SS18L1: variants seen among roughly 807,000 people sequenced by gnomAD.
SS18L1 encodes the protein calcium-responsive transactivator.
In SS18L1, 32 loss-of-function variants were observed where a neutral mutation model predicts 70.3. The ratio of observed to expected loss-of-function variants is 0.46; its 90% CI spans 0.34 to 0.61. SS18L1 has a LOEUF of 0.61. Ranked by LOEUF, SS18L1 falls within the 20% of genes least tolerant of loss-of-function variation. The probability of loss-of-function intolerance (pLI) is 0.01; values close to 1 mark genes in which losing one functional copy is unlikely to be tolerated. For missense variants in SS18L1, 430 were observed against 542.1 expected (o/e 0.79, Z 2.05); for synonymous variants, 237 against 229.7 (o/e 1.03, Z -0.29).
chr20:62,165,576 G>A lies in SS18L1; in HGVS notation c.916+62G>A, dbSNP rs944485961. ...GCGCCACACGCAGCAGAGTTAAGAC[G>A]CTGCACCCTTAGGAGCACGCGGTGC... On this transcript the variant is annotated intron_variant, in intron 8 of 10. Coordinates refer to ENST00000331758, the MANE Select transcript of SS18L1 (RefSeq NM_198935.3). 2.1e-5 allele frequency: 31 copies of A among 1,498,300 alleles called. 1 individual carries two copies. The highest frequency in any genetic ancestry group is 1.8e-4 in the South Asian group (15 of 85,152). The allele number at this position is 1,498,300 out of a possible 1,614,324, so 92.8% of individuals were successfully genotyped here.
At chr20:62,163,692 T>G in intron 6 of SS18L1, 70 bp downstream of exon 6, 1 of 1,454,008 alleles carries the variant, frequency 6.9e-7, no homozygotes, top group Non-Finnish European at 9.0e-7. Flanking sequence ...AGGCTGTGTG[T>G]GCTTCTCTTC....
chr20:62,158,812 A>G lies in SS18L1; in HGVS notation c.146+64A>G. 6.2e-7 allele frequency: 1 copy of G among 1,612,408 alleles called. No individual in the cohort carries two copies. Among genetic ancestry groups the G allele is most frequent in the South Asian group, 1.1e-5 (1 of 91,064 alleles). On this transcript the variant is annotated intron_variant, in intron 2 of 10. Transcript: ENST00000331758. This position sits in a 1 kb window ranked among gnomAD's most constrained non-coding sequence, Gnocchi z 4.5. Reference sequence around the variant, plus strand: ...CATGCAGAGTCTAAGCACAGAGGCCAGATACGTCCCAAGAGTCCCCCAGCA... The same window carrying G: ...CATGCAGAGTCTAAGCACAGAGGCCGGATACGTCCCAAGAGTCCCCCAGCA...
At chr20:62,153,580 A>G (rs992183264) in intron 1 of SS18L1, among the ~76,000 whole-genome samples, 4 of 151,828 alleles carry the variant, frequency 2.6e-5, no homozygotes, top group African/African-American at 7.3e-5. Flanking sequence ...TGACGTGGTG[A>G]TGATAAACAC....
At chr20:62,153,712 G>A (rs985403826) in intron 1 of SS18L1, among the ~76,000 whole-genome samples, 7 of 151,930 alleles carry the variant, frequency 4.6e-5, no homozygotes, top group Non-Finnish European at 7.4e-5. Flanking sequence ...CTCCTCCTTT[G>A]CTCAGGTATT....
At chr20:62,163,019 A>G in intron 5 of SS18L1, 88 bp downstream of exon 5, 1 of 1,512,472 alleles carries the variant, frequency 6.6e-7, no homozygotes, top group East Asian at 2.5e-5. Context: ...GGTCCCGGGG[A>G]AGCTGCCCTC....
chr20:62,167,384 C>G (rs1466010064), intron 8 of SS18L1, among the ~76,000 whole-genome samples: 1 of 150,054 alleles, frequency 6.7e-6, no homozygotes, highest in Non-Finnish European at 1.5e-5. Flanking sequence ...CATGGCAAAA[C>G]CCTTTCTCTC....
chr20:62,159,310 T>C lies in SS18L1; in HGVS notation c.146+562T>C, dbSNP rs1260523569. 6.6e-6 allele frequency among the ~76,000 whole-genome samples: 1 copy of C among 152,196 alleles called. No homozygotes were observed. Among genetic ancestry groups the C allele is most frequent in the East Asian group, 1.9e-4 (1 of 5,188 alleles). ...GCCACCCTCCAAGCGGCTGTCCAAG[T>C]GGCCGTCAGACTGACCTGGAGGTGG... On this transcript the variant is annotated intron_variant, in intron 2 of 10. Transcript: ENST00000331758. The surrounding 1 kb of genome is among the most constrained non-coding windows in gnomAD (Gnocchi z 4.4).
At chr20:62,160,045 C>G (rs2057296314) in intron 3 of SS18L1, 84 bp downstream of exon 3, 1 of 1,374,862 alleles carries the variant, frequency 7.3e-7, no homozygotes, top group Non-Finnish European at 9.9e-7. Flanking sequence ...CATGTCATCT[C>G]AGGTAGCAAA....
intron 3 of SS18L1, among the ~76,000 whole-genome samples, chr20:62,160,317 A>T: frequency 2.0e-5 from 1 of 50,264 alleles, no homozygotes; most frequent in African/African-American, 1.1e-4. Flanking sequence ...TGGGGTGGGG[A>T]GAGGTGGAGA....
rs770815489 is a variant in SS18L1 at position 62,179,041 on chromosome 20, C to T, written c.1165-141C>T. The T allele has an allele frequency of 2.9e-5, 24 of 823,750 alleles. 1 individual carries two copies. In the South Asian group the frequency reaches 3.2e-4, roughly 11 times the overall value. 51.0% of individuals were successfully genotyped at this position (823,750 alleles called of 1,614,324 possible). On this transcript the variant is annotated intron_variant, in intron 10 of 10. Coordinates refer to ENST00000331758, the MANE Select transcript of SS18L1 (RefSeq NM_198935.3). ...GCTTGGCCAGTGGCTTCTGGAAAGTCGTTCGCTGCCCCGCAGAGATGTGAG... is the reference window on the plus strand; with the variant it reads ...GCTTGGCCAGTGGCTTCTGGAAAGTTGTTCGCTGCCCCGCAGAGATGTGAG...
In SS18L1 at chr20:62,181,485, GTTTT is replaced by G. The variant is rs1418507691; in HGVS notation, c.*2281_*2284del. 2.8e-5 allele frequency: 6 copies of G among 212,180 alleles called. 1 individual carries two copies. Among genetic ancestry groups the G allele is most frequent in the Non-Finnish European group, 3.8e-5 (4 of 104,770 alleles). 13.1% of individuals were successfully genotyped at this position (212,180 alleles called of 1,614,324 possible). On this transcript the variant is annotated 3_prime_UTR_variant, in exon 11 of 11. Coordinates refer to ENST00000331758, the MANE Select transcript of SS18L1 (RefSeq NM_198935.3). ...ATATGCCTTTTTTGTGTGTTTGTGT[GTTTT>G]TTTAAGTGCTGTATTAATAATACTT...
At chr20:62,168,588 G>A (rs2057475417) in intron 8 of SS18L1, among the ~76,000 whole-genome samples, 2 of 152,090 alleles carry the variant, frequency 1.3e-5, no homozygotes, top group African/African-American at 4.8e-5. Flanking sequence ...TGGGGGCCAG[G>A]GCAGAGGATC....
intron 9 of SS18L1, among the ~76,000 whole-genome samples, chr20:62,173,744 G>C (rs1759149933): frequency 5.3e-5 from 8 of 152,102 alleles, no homozygotes; most frequent in Admixed American, 5.2e-4. Context: ...GGCTCAGTGT[G>C]GTGGCTCATG....
At chr20:62,143,953 G>A (rs1380901486) in intron 1 of SS18L1, 64 bp downstream of exon 1, 1 of 942,650 alleles carries the variant, frequency 1.1e-6, no homozygotes. Context: ...GCGGGGACGG[G>A]GCGCGGGCAG....
intron 1 of SS18L1, chr20:62,154,334 C>T (rs935796160): frequency 5.3e-5 from 55 of 1,047,522 alleles, no homozygotes; most frequent in Non-Finnish European, 6.2e-5. Flanking sequence ...GTACAAGGTG[C>T]GTTTTCCTAA....
chr20:62,167,181 G>C (rs1300653016), intron 8 of SS18L1, among the ~76,000 whole-genome samples: 1 of 150,176 alleles, frequency 6.7e-6, no homozygotes, highest in Non-Finnish European at 1.5e-5. Context: ...GAGTAGCTCG[G>C]ATTACAGGCC....
At chr20:62,155,133 T>C (rs2057199761) in intron 1 of SS18L1, among the ~76,000 whole-genome samples, 1 of 152,142 alleles carries the variant, frequency 6.6e-6, no homozygotes, top group African/African-American at 2.4e-5. Context: ...CCGGGTGCAA[T>C]GGCTCATGCC....
chr20:62,172,828 C>T, intron 9 of SS18L1, 27 bp downstream of exon 9: 1 of 1,605,156 alleles, frequency 6.2e-7, no homozygotes, highest in Non-Finnish European at 8.5e-7. Flanking sequence ...GTCCTCGGGG[C>T]CCCCCAGCGC....
intron 3 of SS18L1, among the ~76,000 whole-genome samples, chr20:62,160,333 G>T (rs1212282965): frequency 2.9e-5 from 3 of 101,924 alleles, no homozygotes; most frequent in Non-Finnish European, 6.0e-5. Flanking sequence ...GGAGAGAGGT[G>T]GGGTGGGGAG....
Sources: allele counts gnomAD v4.1 joint callset (sites outside exome capture counted in the v4.1 genomes callset), GRCh38; gene constraint gnomAD v4.1.1; non-coding constraint Gnocchi (gnomAD v3.1); transcripts MANE v1.5; gene names NCBI Gene and HGNC (gene_info 2026-07-23, HGNC 2026-07-21).